Variants in WDR59 observed in about 807,000 individuals in gnomAD.
WDR59 encodes WD repeat domain 59, also known as GATOR2 complex protein WDR59.
WDR59 carries 100 observed loss-of-function variants against 131.2 expected under a neutral mutation model. The ratio of observed to expected loss-of-function variants is 0.76; its 90% CI spans 0.65 to 0.90. The LOEUF (loss-of-function observed/expected upper bound fraction) is 0.90, where lower values mean the gene tolerates loss of function less well. Ranked by LOEUF, WDR59 falls within the 40% of genes least tolerant of loss-of-function variation. WDR59 has a pLI of 0.00. For missense variants in WDR59, 1,203 were observed against 1,262.2 expected (o/e 0.95, Z 0.71); for synonymous variants, 601 against 466.2 (o/e 1.29, Z -3.72).
chr16:74,887,734 A>T lies in WDR59; in HGVS notation c.2368T>A (p.Ser790Thr). 6.2e-7 allele frequency: 1 copy of T among 1,614,116 alleles called. No individual in the cohort carries two copies. Among genetic ancestry groups the T allele is most frequent in the Non-Finnish European group, 8.5e-7 (1 of 1,179,992 alleles). The change falls in exon 23 of 26, where the codon TCC (serine) becomes ACC (threonine). Residue 790 changes from serine (S) to threonine (T), a missense_variant. Ser to Thr is a moderately conservative substitution (Grantham distance 58, BLOSUM62 1). Coordinates refer to ENST00000262144, the MANE Select transcript of WDR59 (RefSeq NM_030581.4). Reference protein sequence around the residue: ...SRYPSFTSSGSCSSMSDPGLN... With the variant: ...SRYPSFTSSGTCSSMSDPGLN... ...CCTGGGTCTGACATACTGGAGCAGG[A>T]ACCAGAAGAGGTAAAGCTAGGCTAC... is the stretch of plus-strand genomic sequence containing the variant.
At chr16:74,927,830 T>C (rs1325161683) in intron 8 of WDR59, among the ~76,000 whole-genome samples, 1 of 151,866 alleles carries the variant, frequency 6.6e-6, no homozygotes, top group East Asian at 1.9e-4. Context: ...GAGATGTGTA[T>C]TTAAAGAACC....
intron 18 of WDR59, chr16:74,899,730 G>A (rs532605456): frequency 1.8e-5 from 23 of 1,289,140 alleles, no homozygotes; most frequent in South Asian, 8.6e-5. Context: ...ATGGACCAAC[G>A]CCGCCGGGCA....
At chr16:74,971,224 T>C (rs901680328) in intron 1 of WDR59, among the ~76,000 whole-genome samples, 2 of 152,126 alleles carry the variant, frequency 1.3e-5, no homozygotes, top group Non-Finnish European at 2.9e-5. Context: ...TTAAAGTTCA[T>C]TCGTTTCGTT....
rs566505374 is a variant in WDR59 at position 74,908,041 on chromosome 16, G to T, written c.1712+867C>A. On this transcript the variant is annotated intron_variant, in intron 17 of 25. Coordinates refer to ENST00000262144, the MANE Select transcript of WDR59 (RefSeq NM_030581.4). ...TTTTTTTAATGCACAGAAAAATAAT[G>T]ACTAGACAGAAACATGTTCTGTTGT... Among the ~76,000 whole-genome samples the T allele has an allele frequency of 2.0e-5, 3 of 152,268 alleles. No homozygotes were observed. The East Asian group carries it at 5.8e-4, about 29-fold the overall frequency.
chr16:74,945,660 A>G (rs1234018958), intron 6 of WDR59, among the ~76,000 whole-genome samples: 1 of 151,894 alleles, frequency 6.6e-6, no homozygotes, highest in African/African-American at 2.4e-5. Context: ...ACTGTTAAGC[A>G]CTTAGCGCAG....
chr16:74,888,837 A>G (rs913047091), intron 21 of WDR59, among the ~76,000 whole-genome samples: 3 of 152,222 alleles, frequency 2.0e-5, no homozygotes, highest in Non-Finnish European at 4.4e-5. Context: ...AGGTAAGAAC[A>G]ACAAGGAGTG....
At chr16:74,972,204 A>T (rs574201474) in intron 1 of WDR59, among the ~76,000 whole-genome samples, 1 of 152,350 alleles carries the variant, frequency 6.6e-6, no homozygotes, top group African/African-American at 2.4e-5. Flanking sequence ...CATGCCCTTT[A>T]TGAAATGAGA....
intron 25 of WDR59, among the ~76,000 whole-genome samples, chr16:74,876,478 C>A (rs1000708188): frequency 6.6e-6 from 1 of 152,154 alleles, no homozygotes; most frequent in Non-Finnish European, 1.5e-5. Flanking sequence ...CTTGAGATAA[C>A]TGTAAACTTA....
At chr16:74,912,468 G>C (rs949977531) in intron 13 of WDR59, 106 bp from the exon 14 acceptor site, 9 of 1,198,784 alleles carry the variant, frequency 7.5e-6, no homozygotes, top group Non-Finnish European at 1.0e-5. Context: ...TGAATGAAGG[G>C]AAAGAGTCTA....
intron 4 of WDR59, 108 bp from the exon 5 acceptor site, chr16:74,949,906 C>T (rs533050411): frequency 2.4e-5 from 23 of 973,510 alleles, no homozygotes; most frequent in Middle Eastern, 2.1e-4. Context: ...TCATCATTAA[C>T]GGGCTTCTTA....
chr16:74,887,891 G>T, intron 22 of WDR59, 136 bp from the exon 23 acceptor site: 1 of 947,672 alleles, frequency 1.1e-6, no homozygotes, highest in African/African-American at 1.6e-5. Flanking sequence ...GCCAAGGAAG[G>T]TGGAACACCT....
chr16:74,945,976 C>T (rs2032607450), intron 6 of WDR59, among the ~76,000 whole-genome samples: 1 of 152,010 alleles, frequency 6.6e-6, no homozygotes, highest in Non-Finnish European at 1.5e-5. Flanking sequence ...CACCACCACG[C>T]CCGGCTAATT....
chr16:74,945,827 T>C (rs2032591388), intron 6 of WDR59, among the ~76,000 whole-genome samples: 1 of 151,400 alleles, frequency 6.6e-6, no homozygotes, highest in Admixed American at 6.6e-5. Flanking sequence ...TTTTTTTTTT[T>C]TTTTTTTTGA....
At chr16:74,888,949 T>C (rs1964907266) in intron 21 of WDR59, among the ~76,000 whole-genome samples, 1 of 152,232 alleles carries the variant, frequency 6.6e-6, no homozygotes, top group African/African-American at 2.4e-5. Flanking sequence ...GAATGAATAA[T>C]ATTAATGTCC....
At chr16:74,981,385 AC>A (rs1453281996) in intron 1 of WDR59, among the ~76,000 whole-genome samples, 2 of 145,904 alleles carry the variant, frequency 1.4e-5, no homozygotes, top group Admixed American at 6.9e-5. Context: ...CAAAAAAAAA[AC>A]AAAAAAAACA....
At chr16:74,980,009 C>G (rs1361849390) in intron 1 of WDR59, among the ~76,000 whole-genome samples, 1 of 151,246 alleles carries the variant, frequency 6.6e-6, no homozygotes, top group African/African-American at 2.4e-5. Flanking sequence ...CCACCACGCC[C>G]AGCTAATTTT....
chr16:74,935,122 A>C (rs2031695837), intron 8 of WDR59, among the ~76,000 whole-genome samples: 1 of 151,976 alleles, frequency 6.6e-6, no homozygotes, highest in African/African-American at 2.4e-5. Flanking sequence ...CCAGCTACTG[A>C]GGGAGGCTGA....
intron 25 of WDR59, among the ~76,000 whole-genome samples, chr16:74,879,978 G>C (rs1472980411): frequency 6.6e-6 from 1 of 152,060 alleles, no homozygotes; most frequent in African/African-American, 2.4e-5. Context: ...TTGAAGCCAA[G>C]AATTTGAGAC....
intron 13 of WDR59, among the ~76,000 whole-genome samples, chr16:74,912,778 TTAAC>T (rs1235084127): frequency 6.6e-6 from 1 of 152,192 alleles, no homozygotes; most frequent in Non-Finnish European, 1.5e-5. Context: ...AGATTATAGA[TTAAC>T]TAAAAGTATT....
Sources: gnomAD v4.1 joint callset for allele counts (sites outside exome capture counted in the v4.1 genomes callset) on GRCh38, gnomAD v4.1.1 for gene constraint, MANE v1.5 for transcripts, NCBI Gene and HGNC (gene_info 2026-07-23, HGNC 2026-07-21) for gene names.